Variants in MEI4 observed in about 807,000 individuals in gnomAD.
The protein encoded by MEI4 is meiotic double-stranded break formation protein 4.
A neutral mutation model predicts 31.4 loss-of-function variants in MEI4; 27 were observed. The observed-to-expected ratio is 0.86, with a 90% CI of 0.63 to 1.19. The LOEUF (loss-of-function observed/expected upper bound fraction) is 1.19, where lower values mean the gene tolerates loss of function less well. Ranked by LOEUF, MEI4 falls within the 50% of genes most tolerant of loss-of-function variation. MEI4 has a pLI of 0.00. For missense variants in MEI4, 329 were observed against 398.9 expected, an observed-to-expected ratio of 0.82 and a Z score of 1.49; for synonymous variants, 122 against 145.4, an observed-to-expected ratio of 0.84 and a Z score of 1.16.
At chr6:77,894,945 A>AT (rs1253635910) in intron 4 of MEI4, among the ~76,000 whole-genome samples, 3 of 152,108 alleles carry the variant, frequency 2.0e-5, no homozygotes, top group African/African-American at 7.2e-5. Context: ...TTTTCTGTTG[A>AT]TTTTACCCTC....
chr6:77,681,168 C>G (rs1768950650), intron 1 of MEI4, among the ~76,000 whole-genome samples: 1 of 152,132 alleles, frequency 6.6e-6, no homozygotes, highest in South Asian at 2.1e-4. Flanking sequence ...CACAACCTCT[C>G]TCAGTTGTCT....
intron 4 of MEI4, among the ~76,000 whole-genome samples, chr6:77,879,360 T>TTA (rs758482590): frequency 6.6e-6 from 1 of 152,170 alleles, no homozygotes; most frequent in South Asian, 2.1e-4. Flanking sequence ...TTCTCTTGTA[T>TTA]TATATATAGA....
At chr6:77,657,758 A>G (rs898830443) in intron 1 of MEI4, among the ~76,000 whole-genome samples, 1 of 152,118 alleles carries the variant, frequency 6.6e-6, no homozygotes, top group Non-Finnish European at 1.5e-5. Flanking sequence ...GAGCTCATGC[A>G]TTCTTCCATG....
intron 4 of MEI4, among the ~76,000 whole-genome samples, chr6:77,849,283 G>A (rs539296827): frequency 1.3e-5 from 2 of 152,106 alleles, no homozygotes; most frequent in Non-Finnish European, 2.9e-5. Flanking sequence ...GATAAAAGAA[G>A]TTTGTGTGGT....
At chr6:77,902,224 C>A (rs1027179211) in intron 4 of MEI4, among the ~76,000 whole-genome samples, 10 of 151,876 alleles carry the variant, frequency 6.6e-5, no homozygotes, top group African/African-American at 2.2e-4. Flanking sequence ...AAAACTTTTT[C>A]TCTCTCTTTT....
chr6:77,734,559 A>T (rs1767122889), intron 2 of MEI4, among the ~76,000 whole-genome samples: 1 of 152,026 alleles, frequency 6.6e-6, no homozygotes, highest in African/African-American at 2.4e-5. Flanking sequence ...TTTCCTGAAT[A>T]CAGCACACTG....
chr6:77,870,970 C>A (rs1333409279), intron 4 of MEI4, among the ~76,000 whole-genome samples: 1 of 152,010 alleles, frequency 6.6e-6, no homozygotes, highest in African/African-American at 2.4e-5. Context: ...TTTACAAGTG[C>A]CTGTGAATTA....
At chr6:77,654,787 C>G (rs1768362881) in intron 1 of MEI4, among the ~76,000 whole-genome samples, 1 of 151,978 alleles carries the variant, frequency 6.6e-6, no homozygotes, top group Admixed American at 6.6e-5. Context: ...GTCAAATTCA[C>G]ATTTTAATCC....
At chr6:77,665,071 C>T (rs1474200225) in intron 1 of MEI4, among the ~76,000 whole-genome samples, 5 of 136,288 alleles carry the variant, frequency 3.7e-5, no homozygotes, top group African/African-American at 8.5e-5. Context: ...GGAAGGGGTT[C>T]GGGGGTTCTT....
At chr6:77,684,763 CAATT>C (rs1252621472) in intron 1 of MEI4, among the ~76,000 whole-genome samples, 1 of 152,124 alleles carries the variant, frequency 6.6e-6, no homozygotes, top group Non-Finnish European at 1.5e-5. Context: ...TGTTGATACA[CAATT>C]AGGTTGTTTC....
chr6:77,908,856 C>T (rs972859422), intron 4 of MEI4, among the ~76,000 whole-genome samples: 1 of 151,998 alleles, frequency 6.6e-6, no homozygotes, highest in Non-Finnish European at 1.5e-5. Flanking sequence ...AAAACAAGTC[C>T]TTAGATACCT....
intron 2 of MEI4, among the ~76,000 whole-genome samples, chr6:77,735,235 A>C (rs1278157381): frequency 6.6e-6 from 1 of 152,022 alleles, no homozygotes; most frequent in African/African-American, 2.4e-5. Flanking sequence ...GTGTTTTCCA[A>C]CTTGGCTCCA....
At chr6:77,701,342 G>A (rs1766217485) in intron 2 of MEI4, among the ~76,000 whole-genome samples, 1 of 152,054 alleles carries the variant, frequency 6.6e-6, no homozygotes, top group Admixed American at 6.6e-5. Context: ...AAGGGTTTAT[G>A]GTGACAAGAG....
intron 2 of MEI4, among the ~76,000 whole-genome samples, chr6:77,754,149 G>A (rs1767854508): frequency 6.6e-6 from 1 of 152,098 alleles, no homozygotes; most frequent in African/African-American, 2.4e-5. Flanking sequence ...AATACCTAAT[G>A]TAGATGATGG....
chr6:77,738,423 T>C (rs1033821444), intron 2 of MEI4, among the ~76,000 whole-genome samples: 1 of 152,200 alleles, frequency 6.6e-6, no homozygotes, highest in Non-Finnish European at 1.5e-5. Context: ...CTCTTCTCTC[T>C]TTTCTTTCTT....
chr6:77,828,508 C>G (rs1770007233), intron 3 of MEI4, among the ~76,000 whole-genome samples: 1 of 152,022 alleles, frequency 6.6e-6, no homozygotes, highest in South Asian at 2.1e-4. Context: ...CACCCTGCCC[C>G]CCTTCCATGG....
chr6:77,856,667 G>A (rs575606246), intron 4 of MEI4, among the ~76,000 whole-genome samples: 3 of 152,300 alleles, frequency 2.0e-5, no homozygotes, highest in Admixed American at 6.5e-5. Context: ...TTGCAAGAGC[G>A]TGGCTAAGGC....
chr6:77,793,148 T>A (rs1026972047), intron 3 of MEI4, among the ~76,000 whole-genome samples: 1 of 151,948 alleles, frequency 6.6e-6, no homozygotes, highest in Non-Finnish European at 1.5e-5. Flanking sequence ...TTGAAAGTGG[T>A]AAGAAAAGGG....
intron 3 of MEI4, among the ~76,000 whole-genome samples, chr6:77,790,804 C>G (rs1371280193): frequency 2.6e-5 from 4 of 151,926 alleles, no homozygotes; most frequent in Non-Finnish European, 4.4e-5. Flanking sequence ...TTTGAAATAT[C>G]TGTACATTAT....
Sources: allele counts gnomAD v4.1 joint callset (sites outside exome capture counted in the v4.1 genomes callset), GRCh38; gene constraint gnomAD v4.1.1; transcripts MANE v1.5; gene names NCBI Gene and HGNC (gene_info 2026-07-23, HGNC 2026-07-21).